PRKCB: variants seen among roughly 807,000 people sequenced by gnomAD.
PRKCB encodes the protein protein kinase C beta.
PRKCB carries 13 observed loss-of-function variants against 81.5 expected under a neutral mutation model. That is an observed-to-expected ratio of 0.16 (90% CI 0.10 to 0.25). The LOEUF is 0.25. Ranked by LOEUF, PRKCB falls within the 10% of genes least tolerant of loss-of-function variation. PRKCB has a pLI of 1.00. For missense variants in PRKCB, 509 were observed against 875.7 expected, an observed-to-expected ratio of 0.58 and a Z score of 5.29; for synonymous variants, 335 against 321.4, an observed-to-expected ratio of 1.04 and a Z score of -0.45.
At chr16:24,206,467 C>T (rs1273540634) in intron 16 of PRKCB, among the ~76,000 whole-genome samples, 2 of 152,150 alleles carry the variant, frequency 1.3e-5, no homozygotes, top group African/African-American at 4.8e-5. Context: ...AGGTAGCTCC[C>T]CTGAGCCACT....
chr16:23,888,194 C>T (rs1017740082), intron 2 of PRKCB, among the ~76,000 whole-genome samples: 3 of 152,186 alleles, frequency 2.0e-5, no homozygotes, highest in East Asian at 1.9e-4. Context: ...ACCAATAAAT[C>T]AATGCTCTCT....
chr16:24,164,107 C>T (rs556365372), intron 10 of PRKCB, among the ~76,000 whole-genome samples: 29 of 152,262 alleles, frequency 1.9e-4, no homozygotes, highest in Middle Eastern at 3.4e-3. Flanking sequence ...CCCACGTGGT[C>T]GGTTTTCTCT....
intron 4 of PRKCB, among the ~76,000 whole-genome samples, chr16:24,034,508 C>T (rs373914397): frequency 6.6e-5 from 10 of 152,352 alleles, no homozygotes; most frequent in African/African-American, 1.9e-4. Context: ...AGATACTCTA[C>T]GGAGGAGTGC....
chr16:24,035,266 C>A (rs1057194793), intron 4 of PRKCB, among the ~76,000 whole-genome samples, 153 bp from the exon 5 acceptor site: 1 of 152,162 alleles, frequency 6.6e-6, no homozygotes, highest in Non-Finnish European at 1.5e-5. Flanking sequence ...CTGATGAGAT[C>A]CTGGCAGGCA....
chr16:24,063,398 G>A (rs1416706128), intron 5 of PRKCB, among the ~76,000 whole-genome samples: 6 of 151,650 alleles, frequency 4.0e-5, no homozygotes, highest in African/African-American at 1.5e-4. Flanking sequence ...GAGTTCAAGC[G>A]ATTCTCCTGC....
At chr16:24,108,556 T>G (rs1356948210) in intron 7 of PRKCB, among the ~76,000 whole-genome samples, 1 of 144,802 alleles carries the variant, frequency 6.9e-6, no homozygotes, top group Non-Finnish European at 1.5e-5. Context: ...TGATGACTCT[T>G]AACGAGCATG....
At chr16:24,108,894 G>A (rs929162413) in intron 7 of PRKCB, among the ~76,000 whole-genome samples, 4 of 151,486 alleles carry the variant, frequency 2.6e-5, no homozygotes, top group African/African-American at 4.8e-5. Context: ...GGTGGTGGCC[G>A]GGCAGAGGGG....
intron 9 of PRKCB, among the ~76,000 whole-genome samples, chr16:24,152,543 T>A (rs1967096129): frequency 6.6e-6 from 1 of 152,194 alleles, no homozygotes; most frequent in South Asian, 2.1e-4. Context: ...TCTGCTCACT[T>A]GTCTTCCAGC....
intron 16 of PRKCB, among the ~76,000 whole-genome samples, chr16:24,211,303 G>A (rs984687157): frequency 4.6e-5 from 7 of 152,256 alleles, no homozygotes; most frequent in African/African-American, 4.8e-5. Context: ...GGAAACATAC[G>A]CTGTCTGTCT....
intron 2 of PRKCB, among the ~76,000 whole-genome samples, chr16:23,902,226 G>A (rs907737594): frequency 6.6e-6 from 1 of 152,150 alleles, no homozygotes; most frequent in African/African-American, 2.4e-5. Flanking sequence ...TTATAAGGGA[G>A]AAGATCCAAG....
intron 2 of PRKCB, among the ~76,000 whole-genome samples, chr16:23,872,471 T>C (rs1002762012): frequency 1.8e-4 from 27 of 152,118 alleles, no homozygotes; most frequent in African/African-American, 6.5e-4. Flanking sequence ...CAGTGAACTA[T>C]GATTGTGCCA....
chr16:24,214,777 T>A lies in PRKCB; in HGVS notation c.1983T>A (p.Phe661Leu). 1 of 1,614,200 alleles carries A rather than the reference T, an allele frequency of 6.2e-7. No homozygotes were observed. Among genetic ancestry groups the A allele is most frequent in the African/African-American group, 1.3e-5 (1 of 75,048 alleles). ...IDQSEFEGFS[F>L]VNSEFLKPEV... is the part of the protein sequence containing the mutation. ...AATCAGAATTCGAAGGATTTTCCTT[T>A]GTTAACTCTGAATTTTTAAAACCCG... Residue 661 changes from phenylalanine (F) to leucine (L), a missense_variant, in exon 17 of 17, where the codon TTT becomes TTA. Phe to Leu is a conservative substitution (Grantham distance 22). Transcript: ENST00000643927.
chr16:24,083,365 A>G (rs919725237), intron 5 of PRKCB, among the ~76,000 whole-genome samples: 6 of 152,242 alleles, frequency 3.9e-5, no homozygotes, highest in Admixed American at 2.6e-4. Context: ...GTGAAACTTT[A>G]TGCTCACACA....
chr16:24,186,289 G>A (rs542152408), intron 15 of PRKCB, among the ~76,000 whole-genome samples: 2 of 152,204 alleles, frequency 1.3e-5, no homozygotes, highest in South Asian at 2.1e-4. Context: ...AGAATAACCC[G>A]AAGTGCCTTA....
chr16:23,886,526 C>T (rs1963205907), intron 2 of PRKCB, among the ~76,000 whole-genome samples: 1 of 149,428 alleles, frequency 6.7e-6, no homozygotes. Flanking sequence ...GATTCTTCTG[C>T]CTCAGCCTCC....
At chr16:24,053,244 G>C (rs1000453791) in intron 5 of PRKCB, among the ~76,000 whole-genome samples, 10 of 152,230 alleles carry the variant, frequency 6.6e-5, no homozygotes, top group Admixed American at 5.2e-4. Context: ...CTGGAGATTT[G>C]TCAGAGAACA....
chr16:23,850,721 T>A (rs1282062168), intron 2 of PRKCB, among the ~76,000 whole-genome samples: 2 of 152,228 alleles, frequency 1.3e-5, no homozygotes, highest in African/African-American at 4.8e-5. Flanking sequence ...CATAAGGCTA[T>A]ACTAACTTAC....
intron 3 of PRKCB, among the ~76,000 whole-genome samples, chr16:24,002,841 G>A (rs548798275): frequency 6.6e-6 from 1 of 152,170 alleles, no homozygotes; most frequent in South Asian, 2.1e-4. Flanking sequence ...TGCCTCGTTT[G>A]CCCTTCCAAT....
In PRKCB at chr16:23,949,138, C is replaced by T. The variant is rs80098548; in HGVS notation, c.206-39370C>T. On this transcript the variant is annotated intron_variant, in intron 2 of 16. Transcript: ENST00000643927. The stretch of plus-strand genomic sequence containing the variant: ...GAACACTAGAATGTTTACACTCTTC[C>T]GGAGTCTGTAGGTGGATGCCAGGGA... Among the ~76,000 whole-genome samples, 105 of 152,252 alleles carry T rather than the reference C, an allele frequency of 6.9e-4. 1 individual carries two copies. The East Asian group carries it at 0.012, about 18-fold the overall frequency.
Sources: allele counts gnomAD v4.1 joint callset (sites outside exome capture counted in the v4.1 genomes callset), GRCh38; gene constraint gnomAD v4.1.1; transcripts MANE v1.5; gene names NCBI Gene and HGNC (gene_info 2026-07-23, HGNC 2026-07-21).